The following MAPK8 variants were observed in gnomAD, a reference collection of about 807,000 sequenced individuals.
MAPK8 encodes mitogen-activated protein kinase 8.
In MAPK8, 13 loss-of-function variants were observed where a neutral mutation model predicts 52.9. The observed-to-expected ratio is 0.25, with a 90% CI of 0.16 to 0.39. MAPK8 has a LOEUF of 0.39. Among genes scored for constraint, MAPK8 ranks in the 10% least tolerant of loss-of-function variants. MAPK8 has a pLI of 1.00. For missense variants in MAPK8, 300 were observed against 519.2 expected, an observed-to-expected ratio of 0.58 and a Z score of 4.10; for synonymous variants, 191 against 169.8, an observed-to-expected ratio of 1.12 and a Z score of -0.97.
chr10:48,425,420 A>G (rs2133233676), intron 7 of MAPK8: 1 of 442,700 alleles, frequency 2.3e-6, no homozygotes, highest in East Asian at 3.4e-5. Flanking sequence ...TATTTTTATT[A>G]CAACTGATTA....
intron 2 of MAPK8, among the ~76,000 whole-genome samples, chr10:48,402,498 A>G (rs1336476856): frequency 1.3e-5 from 2 of 152,244 alleles, no homozygotes; most frequent in East Asian, 1.9e-4. Flanking sequence ...AATTTCTACA[A>G]AAGCCTCAGG....
intron 1 of MAPK8, among the ~76,000 whole-genome samples, chr10:48,390,979 A>G (rs1028183786): frequency 2.0e-5 from 3 of 152,202 alleles, no homozygotes; most frequent in African/African-American, 4.8e-5. Context: ...TTAGATGAGA[A>G]TTTAGGTTAG....
chr10:48,357,527 G>T (rs1847094429), intron 1 of MAPK8, among the ~76,000 whole-genome samples: 1 of 152,052 alleles, frequency 6.6e-6, no homozygotes, highest in East Asian at 1.9e-4. Context: ...TGAAGTGGGA[G>T]CTGGGACTAT....
intron 1 of MAPK8, among the ~76,000 whole-genome samples, chr10:48,374,854 TA>T (rs2040554168): frequency 6.6e-6 from 1 of 151,874 alleles, no homozygotes; most frequent in South Asian, 2.1e-4. Flanking sequence ...CTCCAAACAA[TA>T]GAAAAAGAGG....
At chr10:48,317,882 T>A (rs1842654292) in intron 1 of MAPK8, among the ~76,000 whole-genome samples, 1 of 152,132 alleles carries the variant, frequency 6.6e-6, no homozygotes, top group Non-Finnish European at 1.5e-5. Flanking sequence ...GTATTGATTG[T>A]TCATTTAAGG....
chr10:48,420,024 G>T, intron 5 of MAPK8, 131 bp from the exon 6 acceptor site: 1 of 628,502 alleles, frequency 1.6e-6, no homozygotes, highest in Middle Eastern at 4.4e-4. Context: ...ATGAATCAGT[G>T]CAGTAATATT....
chr10:48,435,872 A>G lies in MAPK8; in HGVS notation c.*843A>G, dbSNP rs547594710. The G allele has an allele frequency of 6.6e-6, 1 of 152,358 alleles. No homozygotes were observed. Among genetic ancestry groups the G allele is most frequent in the South Asian group, 2.1e-4 (1 of 4,828 alleles). The allele number at this position is 152,358 out of a possible 1,614,324, so 9.4% of individuals were successfully genotyped here. On this transcript the variant is annotated 3_prime_UTR_variant, in exon 12 of 12. Coordinates refer to ENST00000374189, the MANE Select transcript of MAPK8 (RefSeq NM_001323329.2). ...TTCAATGCAAATAAACAGATGGTTC[A>G]CTTCTACTAGCTATGAGCCTGTTTT... is the stretch of plus-strand genomic sequence containing the variant.
chr10:48,414,700 C>T (rs2042967617), intron 5 of MAPK8, among the ~76,000 whole-genome samples: 1 of 150,974 alleles, frequency 6.6e-6, no homozygotes, highest in Admixed American at 6.6e-5. Context: ...TTCAGCCTCC[C>T]AAGTAGCTAA....
At chr10:48,379,938 T>TAAAAAAAAAAAAAAAAA (rs373050540) in intron 1 of MAPK8, among the ~76,000 whole-genome samples, 1 of 115,916 alleles carries the variant, frequency 8.6e-6, no homozygotes, top group Admixed American at 9.3e-5. Context: ...ACAAAGCTCT[T>TAAAAAAAAAAAAAAAAA]AAAAAAAAAA....
chr10:48,365,563 G>A (rs917726413), intron 1 of MAPK8, among the ~76,000 whole-genome samples: 22 of 152,014 alleles, frequency 1.4e-4, no homozygotes, highest in Non-Finnish European at 1.5e-5. Flanking sequence ...ACACAATGTT[G>A]CCTTGTGTGG....
chr10:48,312,693 G>C (rs1471806405), intron 1 of MAPK8, among the ~76,000 whole-genome samples: 1 of 152,210 alleles, frequency 6.6e-6, no homozygotes, highest in Non-Finnish European at 1.5e-5. Context: ...AGCTACTGCT[G>C]TGTGGATTTT....
chr10:48,363,689 A>G (rs1012776102), intron 1 of MAPK8, among the ~76,000 whole-genome samples: 2 of 152,136 alleles, frequency 1.3e-5, no homozygotes, highest in African/African-American at 4.8e-5. Context: ...TTAAACTTAC[A>G]TTTTTCTCCA....
intron 1 of MAPK8, among the ~76,000 whole-genome samples, chr10:48,338,009 C>T (rs1844863067): frequency 6.6e-6 from 1 of 152,094 alleles, no homozygotes; most frequent in Non-Finnish European, 1.5e-5. Context: ...CCAGATTTTA[C>T]TAGATGTTGG....
At chr10:48,336,649 A>AT (rs1279530456) in intron 1 of MAPK8, among the ~76,000 whole-genome samples, 2 of 151,408 alleles carry the variant, frequency 1.3e-5, no homozygotes, top group East Asian at 3.8e-4. Context: ...TTTATGAAAA[A>AT]TAACTTTTTC....
chr10:48,395,434 T>C (rs891289944), intron 1 of MAPK8, among the ~76,000 whole-genome samples: 1 of 152,014 alleles, frequency 6.6e-6, no homozygotes, highest in Admixed American at 6.5e-5. Context: ...CAAATGATTT[T>C]TGGACAATTG....
At chr10:48,334,959 C>T (rs1373657997) in intron 1 of MAPK8, among the ~76,000 whole-genome samples, 2 of 152,108 alleles carry the variant, frequency 1.3e-5, no homozygotes, top group Admixed American at 6.5e-5. Context: ...TTTCATTATC[C>T]CCCTTATAAG....
At chr10:48,326,455 C>A (rs1172966070) in intron 1 of MAPK8, among the ~76,000 whole-genome samples, 7 of 152,100 alleles carry the variant, frequency 4.6e-5, no homozygotes, top group African/African-American at 1.7e-4. Flanking sequence ...ATGTTTTCTA[C>A]CCTAGTCCTG....
At chr10:48,381,235 T>C (rs1460714241) in intron 1 of MAPK8, among the ~76,000 whole-genome samples, 1 of 152,200 alleles carries the variant, frequency 6.6e-6, no homozygotes, top group Admixed American at 6.5e-5. Flanking sequence ...GAATCTTTTA[T>C]AAACTCTTAC....
chr10:48,430,792 C>G (rs1025318159), intron 10 of MAPK8: 3 of 210,930 alleles, frequency 1.4e-5, no homozygotes, highest in South Asian at 1.7e-4. Context: ...GCACCAGGCT[C>G]TATTCCAGGG....
Sources: allele counts gnomAD v4.1 joint callset (sites outside exome capture counted in the v4.1 genomes callset), GRCh38; gene constraint gnomAD v4.1.1; transcripts MANE v1.5; gene names NCBI Gene and HGNC (gene_info 2026-07-23, HGNC 2026-07-21).